Variants in TMC1 observed in about 807,000 individuals in gnomAD.
TMC1 encodes transmembrane channel-like protein 1.
In TMC1, 84 loss-of-function variants were observed where a neutral mutation model predicts 105.8. The observed-to-expected ratio is 0.79, with a 90% CI of 0.67 to 0.95. The LOEUF is 0.95. Among genes scored for constraint, TMC1 ranks in the 40% least tolerant of loss-of-function variants. TMC1 has a pLI of 0.00. For missense variants in TMC1, 817 were observed against 914.1 expected (o/e 0.89, Z 1.37); for synonymous variants, 315 against 311.5 (o/e 1.01, Z -0.12).
intron 5 of TMC1, among the ~76,000 whole-genome samples, chr9:72,682,988 A>G (rs1229206783): frequency 2.0e-5 from 3 of 152,172 alleles, no homozygotes; most frequent in Non-Finnish European, 2.9e-5. Context: ...ACACTTTTAA[A>G]CAAGATCTTG....
intron 17 of TMC1, among the ~76,000 whole-genome samples, chr9:72,801,964 G>C (rs1828480208): frequency 6.6e-6 from 1 of 152,156 alleles, no homozygotes; most frequent in African/African-American, 2.4e-5. Flanking sequence ...TGCTTAAGAG[G>C]ATGTGGAGGA....
chr9:72,746,174 C>T (rs1290527234), intron 10 of TMC1, among the ~76,000 whole-genome samples: 1 of 152,034 alleles, frequency 6.6e-6, no homozygotes, highest in Non-Finnish European at 1.5e-5. Context: ...AATAAATGGC[C>T]ATTTAATCTT....
At chr9:72,529,872 A>G (rs1300009739) in intron 1 of TMC1, among the ~76,000 whole-genome samples, 1 of 152,176 alleles carries the variant, frequency 6.6e-6, no homozygotes, top group African/African-American at 2.4e-5. Context: ...GGAGAGAATC[A>G]GGAAAGATTG....
At chr9:72,585,442 G>C (rs1190801884) in intron 2 of TMC1, among the ~76,000 whole-genome samples, 6 of 151,676 alleles carry the variant, frequency 4.0e-5, no homozygotes, top group Admixed American at 1.3e-4. Flanking sequence ...GAGCCACTGC[G>C]CCTGGCCTGG....
At chr9:72,687,441 A>G (rs1432501002) in intron 5 of TMC1, among the ~76,000 whole-genome samples, 1 of 152,234 alleles carries the variant, frequency 6.6e-6, no homozygotes, top group African/African-American at 2.4e-5. Flanking sequence ...GTCTGCCTTC[A>G]TTATTGCAAA....
At position 72,830,494 on chromosome 9, in the gene TMC1, GCAGCGA is replaced by G. The variant is rs776914236; in HGVS notation, c.2174_2179del (p.Ala725_Asn727delinsAsp). On this transcript the variant is annotated inframe_deletion, in exon 22 of 24. Transcript: ENST00000297784. ...CAATGCTACTGCCAAGGGCCAGAAG[GCAGCGA>G]ATCTGGATCTCAAAAAGAAGATGAA... 1 of 1,613,652 alleles carries G rather than the reference GCAGCGA, an allele frequency of 6.2e-7. No homozygotes were observed. The highest frequency in any genetic ancestry group is 2.2e-5 in the East Asian group (1 of 44,866).
At chr9:72,767,503 A>G (rs1042745185) in intron 12 of TMC1, among the ~76,000 whole-genome samples, 9 of 152,320 alleles carry the variant, frequency 5.9e-5, no homozygotes, top group Middle Eastern at 3.4e-3. Context: ...CTCCTAATCC[A>G]TCTATGTATA....
chr9:72,788,528 G>GT, intron 14 of TMC1, 45 bp downstream of exon 14: 1 of 1,606,548 alleles, frequency 6.2e-7, no homozygotes. Flanking sequence ...ATTTCTAAGA[G>GT]TAAAATTGGA....
chr9:72,610,195 T>C (rs889289511), intron 2 of TMC1, among the ~76,000 whole-genome samples: 4 of 152,210 alleles, frequency 2.6e-5, no homozygotes, highest in African/African-American at 9.7e-5. Flanking sequence ...TTAGAGATTT[T>C]AAACTTGATT....
chr9:72,724,125 T>G (rs1827076836), intron 8 of TMC1, among the ~76,000 whole-genome samples: 2 of 152,192 alleles, frequency 1.3e-5, no homozygotes, highest in Admixed American at 1.3e-4. Flanking sequence ...TCCACGGACA[T>G]TTAATTAGCA....
rs59431883 is a variant in TMC1, at chr9:72,555,973, C to CAAAAAAAAAAAAAAAAAAA, written c.-427-21916_-427-21898dup. On this transcript the variant is annotated intron_variant, in intron 1 of 23. Coordinates refer to ENST00000297784, the MANE Select transcript of TMC1 (RefSeq NM_138691.3). Reference sequence around the variant, plus strand: ...CAGGAAAACCAATCTATGACTAAGGCAAAAAAAAAAAAAAAAAAAAAAAAA... The same window carrying CAAAAAAAAAAAAAAAAAAA: ...CAGGAAAACCAATCTATGACTAAGGCAAAAAAAAAAAAAAAAAAAAAAAAAAAAAAAAAAAAAAAAAAAA... Among the ~76,000 whole-genome samples the CAAAAAAAAAAAAAAAAAAA allele has an allele frequency of 7.0e-5, 3 of 42,566 alleles. 1 individual carries two copies. The highest frequency in any genetic ancestry group is 1.9e-4 in the African/African-American group (2 of 10,470). The allele number at this position is 42,566 out of a possible 152,430, so 27.9% of individuals were successfully genotyped here. A position where few individuals can be genotyped will look rare whatever the true frequency, so the allele number is the denominator to read the frequency against.
chr9:72,589,215 T>C (rs1460338557), intron 2 of TMC1, among the ~76,000 whole-genome samples: 1 of 152,206 alleles, frequency 6.6e-6, no homozygotes, highest in Non-Finnish European at 1.5e-5. Flanking sequence ...ACTTCTACTG[T>C]TGACATCAAC....
intron 4 of TMC1, among the ~76,000 whole-genome samples, chr9:72,635,711 A>G (rs758642415): frequency 5.9e-5 from 9 of 152,220 alleles, no homozygotes; most frequent in Non-Finnish European, 1.3e-4. Context: ...AAAGCATAGA[A>G]AGAAGCTAGG....
chr9:72,590,339 G>C (rs1333597988), intron 2 of TMC1, among the ~76,000 whole-genome samples: 3 of 152,196 alleles, frequency 2.0e-5, no homozygotes, highest in African/African-American at 7.2e-5. Flanking sequence ...CTTTCAAGCT[G>C]AGTTCAGTTC....
At chr9:72,600,316 A>G (rs1824786397) in intron 2 of TMC1, among the ~76,000 whole-genome samples, 1 of 152,214 alleles carries the variant, frequency 6.6e-6, no homozygotes, top group Non-Finnish European at 1.5e-5. Flanking sequence ...TCACGTGCCT[A>G]TACTAGCTTT....
At chr9:72,806,708 T>C (rs1300132392) in intron 18 of TMC1, among the ~76,000 whole-genome samples, 120 of 141,018 alleles carry the variant, frequency 8.5e-4, no homozygotes, top group Non-Finnish European at 1.4e-3. Flanking sequence ...GATGTGATGG[T>C]GGCCGGGAAG....
intron 1 of TMC1, among the ~76,000 whole-genome samples, chr9:72,572,090 C>T (rs1424774679): frequency 2.0e-5 from 3 of 152,208 alleles, no homozygotes; most frequent in Non-Finnish European, 2.9e-5. Flanking sequence ...CCCGCCTGGG[C>T]CTCCCAAAGT....
At chr9:72,573,609 C>T (rs1005039100) in intron 1 of TMC1, among the ~76,000 whole-genome samples, 2 of 152,074 alleles carry the variant, frequency 1.3e-5, no homozygotes, top group African/African-American at 4.8e-5. Context: ...GTGGCTTAGC[C>T]AAAAGTGGCT....
At chr9:72,568,222 C>T (rs1214235396) in intron 1 of TMC1, among the ~76,000 whole-genome samples, 1 of 152,116 alleles carries the variant, frequency 6.6e-6, no homozygotes, top group Non-Finnish European at 1.5e-5. Flanking sequence ...GAACTTGCCT[C>T]TTCAACACAC....
Sources: allele counts gnomAD v4.1 joint callset (sites outside exome capture counted in the v4.1 genomes callset), GRCh38; gene constraint gnomAD v4.1.1; transcripts MANE v1.5; gene names NCBI Gene and HGNC (gene_info 2026-07-23, HGNC 2026-07-21).